The following SRD5A1 variants were observed in gnomAD, a reference collection of about 807,000 sequenced individuals.
SRD5A1 encodes the protein 3-oxo-5-alpha-steroid 4-dehydrogenase 1.
Under a neutral mutation model 28.2 loss-of-function variants are expected in SRD5A1, and 22 were observed. The ratio of observed to expected loss-of-function variants is 0.78; its 90% confidence interval spans 0.56 to 1.12. The LOEUF (loss-of-function observed/expected upper bound fraction) is 1.12, where lower values mean the gene tolerates loss of function less well. Among genes scored for constraint, SRD5A1 ranks in the 50% most tolerant of loss-of-function variants. The probability of loss-of-function intolerance (pLI) is 0.00; values close to 1 mark genes in which losing one functional copy is unlikely to be tolerated. For missense variants in SRD5A1, 300 were observed against 346.7 expected, an observed-to-expected ratio of 0.87 and a Z score of 1.07; for synonymous variants, 151 against 135.0, an observed-to-expected ratio of 1.12 and a Z score of -0.82.
At chr5:6,640,580 G>A (rs1199999118) in intron 1 of SRD5A1, among the ~76,000 whole-genome samples, 1 of 150,446 alleles carries the variant, frequency 6.6e-6, no homozygotes, top group Non-Finnish European at 1.5e-5. Context: ...TGCCTGGGCT[G>A]GTCTCGGAAC....
At chr5:6,643,773 C>A (rs4702379) in intron 1 of SRD5A1, among the ~76,000 whole-genome samples, 8 of 151,922 alleles carry the variant, frequency 5.3e-5, no homozygotes, top group African/African-American at 1.9e-4. Flanking sequence ...ACCAATGAGC[C>A]GCCCGATAAC....
intron 1 of SRD5A1, 143 bp downstream of exon 1, chr5:6,634,012 A>G (rs1477229612): frequency 2.4e-5 from 21 of 866,482 alleles, no homozygotes; most frequent in South Asian, 4.9e-5. Context: ...GGCGTCCCCC[A>G]TCTGCACGGG....
Position 6,662,830 on chromosome 5 carries a change from T to C in SRD5A1, c.577T>C (p.Tyr193His), listed in dbSNP as rs759741342. 2 of 1,612,396 alleles carry C rather than the reference T, an allele frequency of 1.2e-6. No individual in the cohort carries two copies. The highest frequency in any genetic ancestry group is 1.7e-6 in the Non-Finnish European group (2 of 1,179,996). ...YKIPRGGLFE[Y>H]VTAANYFGEI... ...TTTTCTTCTAGGAGGCTTATTTGAATACGTAACTGCAGCCAACTATTTTGG... is the reference window on the plus strand; with the variant it reads ...TTTTCTTCTAGGAGGCTTATTTGAACACGTAACTGCAGCCAACTATTTTGG... Residue 193 changes from tyrosine (Y) to histidine (H), a missense_variant, in exon 4 of 5, where the codon TAC becomes CAC. By Grantham distance (83) the Tyr-to-His change is moderately conservative. Coordinates refer to ENST00000274192, the MANE Select transcript of SRD5A1 (RefSeq NM_001047.4).
chr5:6,644,302 A>G (rs1738445569), intron 1 of SRD5A1, among the ~76,000 whole-genome samples: 1 of 152,142 alleles, frequency 6.6e-6, no homozygotes, highest in African/African-American at 2.4e-5. Flanking sequence ...CCTCTTATGA[A>G]CTGAGTCCTT....
chr5:6,672,861 T>C lies in SRD5A1; in HGVS notation c.*4593T>C, dbSNP rs1739401339. On this transcript the variant is annotated 3_prime_UTR_variant, in exon 5 of 5. Coordinates refer to ENST00000274192, the MANE Select transcript of SRD5A1 (RefSeq NM_001047.4). ...GCTAGTTCTCTCAATAAAATAATAC[T>C]TTCTTTTCTTTCTTAAAATCTAGCT... 6.6e-6 allele frequency: 1 copy of C among 152,258 alleles called. No homozygotes were observed. The highest frequency in any genetic ancestry group is 1.5e-5 in the Non-Finnish European group (1 of 68,046). The allele number at this position is 152,258 out of a possible 1,614,324, so 9.4% of individuals were successfully genotyped here. A position where few individuals can be genotyped will look rare whatever the true frequency, so the allele number is the denominator to read the frequency against.
chr5:6,671,628 A>G lies in SRD5A1; in HGVS notation c.*3360A>G, dbSNP rs1739362747. The G allele has an allele frequency of 6.7e-6, 1 of 150,082 alleles. No individual in the cohort carries two copies. Among genetic ancestry groups the G allele is most frequent in the Admixed American group, 6.6e-5 (1 of 15,092 alleles). 9.3% of individuals were successfully genotyped at this position (150,082 alleles called of 1,614,324 possible). A position where few individuals can be genotyped will look rare whatever the true frequency, so the allele number is the denominator to read the frequency against. ...CTCATTGATATGTGGGAGCTAAGCT[A>G]TGAGGACACAAAGGCATAAGAATGG... On this transcript the variant is annotated 3_prime_UTR_variant, in exon 5 of 5. Transcript: ENST00000274192.
rs16877779 is a variant in SRD5A1, at chr5:6,670,536, G to A, written c.*2268G>A. 0.076 allele frequency: 11,500 copies of A among 152,276 alleles called. 499 individuals carry two copies. The highest frequency in any genetic ancestry group is 0.19 in the East Asian group (1,007 of 5,176). The allele number at this position is 152,276 out of a possible 1,614,324, so 9.4% of individuals were successfully genotyped here. A position where few individuals can be genotyped will look rare whatever the true frequency, so the allele number is the denominator to read the frequency against. ...CTCCTCCTTAGTCTCCAAGGCCAGC[G>A]GTGCATGCATTTGTGCATTCAACAA... On this transcript the variant is annotated 3_prime_UTR_variant, in exon 5 of 5. Transcript: ENST00000274192.
chr5:6,664,616 A>C (rs1739106684), intron 4 of SRD5A1, among the ~76,000 whole-genome samples: 1 of 152,176 alleles, frequency 6.6e-6, no homozygotes, highest in African/African-American at 2.4e-5. Flanking sequence ...ATATTGCCCA[A>C]GCTGGTCTTA....
At chr5:6,633,991 A>G in intron 1 of SRD5A1, 122 bp downstream of exon 1, 1 of 1,086,478 alleles carries the variant, frequency 9.2e-7, no homozygotes. Flanking sequence ...TCTCCCTGCC[A>G]GATCCCCCGG....
intron 1 of SRD5A1, among the ~76,000 whole-genome samples, chr5:6,646,250 G>A (rs1166852506): frequency 1.3e-5 from 2 of 152,106 alleles, no homozygotes; most frequent in Admixed American, 6.6e-5. Context: ...ATCATTGATG[G>A]GCATTTGTGT....
intron 1 of SRD5A1, among the ~76,000 whole-genome samples, chr5:6,637,606 A>G (rs1189682683): frequency 6.6e-6 from 1 of 152,122 alleles, no homozygotes; most frequent in Non-Finnish European, 1.5e-5. Context: ...CTTCCCCACT[A>G]TCAGCAGTGA....
chr5:6,653,080 T>C (rs1209517194), intron 2 of SRD5A1, among the ~76,000 whole-genome samples: 1 of 152,186 alleles, frequency 6.6e-6, no homozygotes, highest in Admixed American at 6.5e-5. Context: ...GACCTTACAT[T>C]GCATTGTGCT....
chr5:6,651,149 T>A (rs1323935619), intron 1 of SRD5A1, among the ~76,000 whole-genome samples: 1 of 152,090 alleles, frequency 6.6e-6, no homozygotes, highest in African/African-American at 2.4e-5. Flanking sequence ...TGGAAGCCAT[T>A]GCAATGGTGA....
At chr5:6,645,587 C>T (rs1409759681) in intron 1 of SRD5A1, among the ~76,000 whole-genome samples, 3 of 150,774 alleles carry the variant, frequency 2.0e-5, no homozygotes, top group Non-Finnish European at 2.9e-5. Flanking sequence ...TGCGGTGAGC[C>T]GAGATCACGC....
chr5:6,660,211 C>T (rs1738961887), intron 3 of SRD5A1, among the ~76,000 whole-genome samples: 1 of 152,226 alleles, frequency 6.6e-6, no homozygotes, highest in Non-Finnish European at 1.5e-5. Context: ...TGTAAGCAGC[C>T]TGTGTCTCAA....
intron 3 of SRD5A1, among the ~76,000 whole-genome samples, chr5:6,659,242 T>C (rs942363207): frequency 6.6e-6 from 1 of 151,512 alleles, no homozygotes; most frequent in East Asian, 2.0e-4. Context: ...GCCCCCCGAG[T>C]AGCTGGGACT....
chr5:6,635,557 C>A (rs1326093825), intron 1 of SRD5A1, among the ~76,000 whole-genome samples: 2 of 152,198 alleles, frequency 1.3e-5, no homozygotes. Flanking sequence ...GATGGAACCC[C>A]CCTGTGGGAT....
chr5:6,656,747 G>A (rs554164164), intron 3 of SRD5A1, among the ~76,000 whole-genome samples: 3 of 152,116 alleles, frequency 2.0e-5, no homozygotes, highest in Non-Finnish European at 4.4e-5. Context: ...CCGTGGCCTG[G>A]GGTAGTGGTG....
At chr5:6,649,242 G>A (rs772783017) in intron 1 of SRD5A1, among the ~76,000 whole-genome samples, 175 of 152,290 alleles carry the variant, frequency 1.1e-3, no homozygotes, top group Non-Finnish European at 1.8e-3. Context: ...ATCAGAGCTC[G>A]AACTGTGTGC....
Sources: gnomAD v4.1 joint callset for allele counts (sites outside exome capture counted in the v4.1 genomes callset) on GRCh38, gnomAD v4.1.1 for gene constraint, MANE v1.5 for transcripts, NCBI Gene and HGNC (gene_info 2026-07-23, HGNC 2026-07-21) for gene names.